The following ERC2 variants were observed in gnomAD, a reference collection of about 807,000 sequenced individuals.
ERC2 encodes ELKS/RAB6-interacting/CAST family member 2, also known as ERC protein 2.
ERC2 carries 42 observed loss-of-function variants against 114.8 expected under a neutral mutation model. The observed-to-expected ratio is 0.37, with a 90% confidence interval of 0.29 to 0.47. The LOEUF (loss-of-function observed/expected upper bound fraction) is 0.47. ERC2 is among the 20% of genes least tolerant of loss of function. The pLI is 0.99. For synonymous variants in ERC2, 454 were observed against 425.5 expected (o/e 1.07, Z -0.82); for missense variants, 939 against 1,150.7 (o/e 0.82, Z 2.66).
intron 14 of ERC2, among the ~76,000 whole-genome samples, chr3:55,815,572 T>C (rs1349271902): frequency 6.6e-6 from 1 of 152,234 alleles, no homozygotes. Flanking sequence ...GGATAAGGAC[T>C]GCAGCCTCAG....
intron 6 of ERC2, among the ~76,000 whole-genome samples, chr3:56,138,915 A>G (rs1002859944): frequency 2.6e-5 from 4 of 152,188 alleles, no homozygotes; most frequent in African/African-American, 9.7e-5. Flanking sequence ...TAACAAACCA[A>G]TATTTCCTTT....
chr3:55,993,494 T>C (rs2071239340), intron 10 of ERC2, among the ~76,000 whole-genome samples: 1 of 152,096 alleles, frequency 6.6e-6, no homozygotes, highest in South Asian at 2.1e-4. Context: ...GTCTTTGCAA[T>C]GATTTAATAG....
intron 17 of ERC2, among the ~76,000 whole-genome samples, chr3:55,567,425 C>T (rs2056443117): frequency 6.6e-6 from 1 of 152,178 alleles, no homozygotes; most frequent in African/African-American, 2.4e-5. Context: ...CATGGAAGTC[C>T]TCATAAGTCA....
At chr3:55,690,256 G>T (rs190400909) in intron 16 of ERC2, among the ~76,000 whole-genome samples, 1 of 152,078 alleles carries the variant, frequency 6.6e-6, no homozygotes, top group Admixed American at 6.6e-5. Context: ...TCCTCTGCTG[G>T]TCCCTTATCT....
At chr3:55,890,833 C>T (rs2063562590) in intron 13 of ERC2, among the ~76,000 whole-genome samples, 1 of 152,122 alleles carries the variant, frequency 6.6e-6, no homozygotes, top group Non-Finnish European at 1.5e-5. Context: ...TTTGTGTGGC[C>T]CTGGACCGAG....
chr3:55,552,501 G>A (rs17055468), intron 17 of ERC2, among the ~76,000 whole-genome samples: 14,452 of 152,028 alleles, frequency 0.095, 774 homozygotes, highest in African/African-American at 0.13. Context: ...AATCTACCAT[G>A]TTTACAAGCT....
At chr3:55,760,036 C>T (rs1194537443) in intron 14 of ERC2, among the ~76,000 whole-genome samples, 1 of 152,178 alleles carries the variant, frequency 6.6e-6, no homozygotes, top group Non-Finnish European at 1.5e-5. Context: ...AAACCCCCTA[C>T]CAAACAGTAG....
chr3:56,239,282 C>T (rs552070714), intron 3 of ERC2, among the ~76,000 whole-genome samples: 9 of 151,740 alleles, frequency 5.9e-5, no homozygotes, highest in African/African-American at 1.7e-4. Context: ...TTTCGGAGGC[C>T]GAGGCGGGCA....
rs115803805 is a variant in ERC2, at chr3:56,272,197, G to A, written c.1074+23822C>T. On this transcript the variant is annotated intron_variant, in intron 3 of 17. Transcript: ENST00000288221. ...AAAAATCCATGTGAGACCCTTCTTC[G>A]CAATTCAAAGTAACCAACCTGGGCA... is the stretch of plus-strand genomic sequence containing the variant. 1.6e-3 allele frequency among the ~76,000 whole-genome samples: 240 copies of A among 152,194 alleles called. 2 individuals are homozygous for A. Among genetic ancestry groups the A allele is most frequent in the South Asian group, 0.011 (55 of 4,814 alleles).
At chr3:56,018,676 A>G (rs928934539) in intron 8 of ERC2, among the ~76,000 whole-genome samples, 1 of 152,184 alleles carries the variant, frequency 6.6e-6, no homozygotes, top group Admixed American at 6.5e-5. Flanking sequence ...AGGAAAGCCA[A>G]GAGTGATGTA....
At chr3:55,697,816 A>G (rs2063014060) in intron 16 of ERC2, among the ~76,000 whole-genome samples, 1 of 152,012 alleles carries the variant, frequency 6.6e-6, no homozygotes, top group African/African-American at 2.4e-5. Flanking sequence ...TGTGGCTCAG[A>G]ATGAATGGCC....
Position 55,720,222 on chromosome 3 carries a change from TCTTCTTCTTCTTC to T in ERC2, c.2712+14536_2712+14548del, listed in dbSNP as rs2064438250. 2.0e-4 allele frequency among the ~76,000 whole-genome samples: 5 copies of T among 25,598 alleles called. 1 individual carries two copies. Among genetic ancestry groups the T allele is most frequent in the African/African-American group, 1.3e-3 (5 of 3,968 alleles). 16.8% of individuals were successfully genotyped at this position (25,598 alleles called of 152,430 possible). ...TTCTTCTTCTTCTTCTTCTTCTTCTTCTTCTTCTTCTTCTTCTTCTCTCTCTCTCTCTCTCTCT... is the reference window on the plus strand; with the variant it reads ...TTCTTCTTCTTCTTCTTCTTCTTCTTTTCTTCTCTCTCTCTCTCTCTCTCT... On this transcript the variant is annotated intron_variant, in intron 15 of 17. Transcript: ENST00000288221.
At chr3:55,882,842 A>G (rs1048187458) in intron 14 of ERC2, among the ~76,000 whole-genome samples, 4 of 152,212 alleles carry the variant, frequency 2.6e-5, no homozygotes, top group African/African-American at 9.6e-5. Context: ...CTCAGTTCCT[A>G]AAAGTGTTCC....
At chr3:56,223,729 A>C (rs2050076464) in intron 3 of ERC2, among the ~76,000 whole-genome samples, 1 of 152,126 alleles carries the variant, frequency 6.6e-6, no homozygotes, top group African/African-American at 2.4e-5. Context: ...CTAGTAATAA[A>C]GCAGGGGGCC....
intron 17 of ERC2, among the ~76,000 whole-genome samples, chr3:55,544,016 G>A (rs531353839): frequency 1.3e-5 from 2 of 152,320 alleles, no homozygotes; most frequent in Admixed American, 6.5e-5. Flanking sequence ...GTTGGTCCCA[G>A]TGCTCAGCCC....
intron 3 of ERC2, among the ~76,000 whole-genome samples, chr3:56,211,147 A>G (rs1340620279): frequency 2.0e-5 from 3 of 152,168 alleles, no homozygotes; most frequent in Non-Finnish European, 4.4e-5. Flanking sequence ...ATTGGTAAAG[A>G]AGAAGTCAAA....
chr3:55,785,402 T>G (rs1239746552), intron 14 of ERC2, among the ~76,000 whole-genome samples: 1 of 152,242 alleles, frequency 6.6e-6, no homozygotes. Context: ...TCTCAGTTCC[T>G]TCTTTTAGCT....
chr3:56,313,001 C>CATATAT (rs3055903), intron 2 of ERC2, among the ~76,000 whole-genome samples: 7,217 of 43,620 alleles, frequency 0.17, 1,331 homozygotes, highest in Middle Eastern at 0.27. Flanking sequence ...TATGTATATT[C>CATATAT]ATATATATAT....
At chr3:55,866,864 A>T (rs1219443449) in intron 14 of ERC2, among the ~76,000 whole-genome samples, 1 of 152,156 alleles carries the variant, frequency 6.6e-6, no homozygotes, top group Non-Finnish European at 1.5e-5. Context: ...TTCATCATCA[A>T]GTCACTGTTA....
Sources: allele counts gnomAD v4.1 joint callset (sites outside exome capture counted in the v4.1 genomes callset), GRCh38; gene constraint gnomAD v4.1.1; transcripts MANE v1.5; gene names NCBI Gene and HGNC (gene_info 2026-07-23, HGNC 2026-07-21).